Variants in PCDHA5 observed in about 807,000 individuals in gnomAD.
PCDHA5 encodes protocadherin alpha-5.
PCDHA5 carries 43 observed loss-of-function variants against 61.6 expected under a neutral mutation model. The observed-to-expected ratio is 0.70, with a 90% CI of 0.55 to 0.90. PCDHA5 has a LOEUF of 0.90. Ranked by LOEUF, PCDHA5 falls within the 40% of genes least tolerant of loss-of-function variation. The pLI is 0.00. For synonymous variants in PCDHA5, 627 were observed against 543.9 expected, an observed-to-expected ratio of 1.15 and a Z score of -2.13; for missense variants, 1,298 against 1,222.7, an observed-to-expected ratio of 1.06 and a Z score of -0.92.
At chr5:140,842,700 A>G in intron 1 of PCDHA5, 1 of 1,595,270 alleles carries the variant, frequency 6.3e-7, no homozygotes, top group Non-Finnish European at 8.6e-7. Flanking sequence ...CAGCCCGAGT[A>G]CACGGTGTTC....
At chr5:140,998,099 CAGA>C (rs2097796305) in intron 3 of PCDHA5, among the ~76,000 whole-genome samples, 1 of 152,130 alleles carries the variant, frequency 6.6e-6, no homozygotes, top group African/African-American at 2.4e-5. Context: ...CTAGAGCAAA[CAGA>C]GGAGAAAATT....
In PCDHA5 at chr5:140,824,127, C is replaced by G. The variant is rs370659144; in HGVS notation, c.2352C>G (p.Asn784Lys). ...CTCAGGGTCCCACCTCTACAGACAA[C>G]GTGAGTTTTCTAATATTAACATCCA... Reference protein sequence around the residue: ...SLPQGPTSTDNPRQPNPDWRY... With the variant: ...SLPQGPTSTDKPRQPNPDWRY... The change falls in exon 1 of 4, where the codon AAC becomes AAG. Residue 784 changes from asparagine to lysine, a missense_variant and splice_region_variant. Transcript: ENST00000529859. 1 of 1,613,450 alleles carries G rather than the reference C, an allele frequency of 6.2e-7. No individual in the cohort carries two copies. Among genetic ancestry groups the G allele is most frequent in the Non-Finnish European group, 8.5e-7 (1 of 1,179,498 alleles).
chr5:140,919,926 TG>T (rs1366281727), intron 1 of PCDHA5, among the ~76,000 whole-genome samples: 3 of 152,088 alleles, frequency 2.0e-5, no homozygotes, highest in African/African-American at 7.2e-5. Flanking sequence ...AATTTTCAGG[TG>T]GGGGCTAATT....
rs1777904033 is a variant in PCDHA5, at chr5:140,842,379, C to G, written c.2352+18252C>G. 1.9e-6 allele frequency: 3 copies of G among 1,609,878 alleles called. No individual in the cohort carries two copies. In the Admixed American group the frequency reaches 5.0e-5, roughly 27 times the overall value. On this transcript the variant is annotated intron_variant, in intron 1 of 3. Coordinates refer to ENST00000529859, the MANE Select transcript of PCDHA5 (RefSeq NM_018908.3). Reference sequence around the variant, plus strand: ...GATAACGTCCCTGAGATAGCACTGACTTCCTTATCCTTGCCTGTACGTGAA... The same window carrying G: ...GATAACGTCCCTGAGATAGCACTGAGTTCCTTATCCTTGCCTGTACGTGAA...
chr5:140,966,845 C>T, intron 1 of PCDHA5: 2 of 1,570,442 alleles, frequency 1.3e-6, no homozygotes, highest in South Asian at 2.3e-5. Context: ...GCTGCTACTG[C>T]CTCTCCTGCT....
rs890605582 is a variant in PCDHA5 at position 140,851,133 on chromosome 5, T to C, written c.2352+27006T>C. Reference sequence around the variant, plus strand: ...GAATCAATTTTATTTAAATTTGTGATTAAAGTGACATTGAATTTCTGATGC... The same window carrying C: ...GAATCAATTTTATTTAAATTTGTGACTAAAGTGACATTGAATTTCTGATGC... On this transcript the variant is annotated intron_variant, in intron 1 of 3. Transcript: ENST00000529859. 54 of 1,314,072 alleles carry C rather than the reference T, an allele frequency of 4.1e-5. 3 individuals carry two copies. Among genetic ancestry groups the C allele is most frequent in the Non-Finnish European group, 5.2e-5 (53 of 1,014,404 alleles). 81.4% of individuals were successfully genotyped at this position (1,314,072 alleles called of 1,614,324 possible). A position where few individuals can be genotyped will look rare whatever the true frequency, so the allele number is the denominator to read the frequency against.
chr5:140,875,356 G>C (rs2055432006), intron 1 of PCDHA5: 5 of 1,446,352 alleles, frequency 3.5e-6, no homozygotes, highest in Admixed American at 5.7e-5. Context: ...TGACTGTGAT[G>C]CTGGAAAAAA....
chr5:140,968,801 G>T, intron 1 of PCDHA5: 1 of 1,614,216 alleles, frequency 6.2e-7, no homozygotes, highest in Non-Finnish European at 8.5e-7. Context: ...CATTACAGTA[G>T]CTGTGGTGGA....
At chr5:140,965,951 T>C (rs1484541931) in intron 1 of PCDHA5, among the ~76,000 whole-genome samples, 3 of 152,172 alleles carry the variant, frequency 2.0e-5, no homozygotes, top group East Asian at 1.9e-4. Flanking sequence ...GCATTTGCCA[T>C]CCCCCTCCTT....
At chr5:140,887,108 T>A (rs2061306818) in intron 1 of PCDHA5, among the ~76,000 whole-genome samples, 1 of 152,084 alleles carries the variant, frequency 6.6e-6, no homozygotes, top group Non-Finnish European at 1.5e-5. Context: ...TCTCTTTTTT[T>A]TTTTTTGAGA....
chr5:140,885,290 A>G (rs1344746797), intron 1 of PCDHA5, among the ~76,000 whole-genome samples: 2 of 152,190 alleles, frequency 1.3e-5, no homozygotes, highest in African/African-American at 4.8e-5. Context: ...ATATATAGAG[A>G]GAGACCTGGT....
chr5:140,830,262 C>G lies in PCDHA5; in HGVS notation c.2352+6135C>G, dbSNP rs151257683. 6.1e-5 allele frequency: 99 copies of G among 1,613,546 alleles called. No individual in the cohort carries two copies. Among genetic ancestry groups the G allele is most frequent in the Non-Finnish European group, 7.2e-5 (85 of 1,179,698 alleles). ...CTGCTGTACACAGCGCTGCGGTGCT[C>G]GGCGCCACCCACCGAGGGCGCGTGC... On this transcript the variant is annotated intron_variant, in intron 1 of 3. Transcript: ENST00000529859.
In PCDHA5 at chr5:140,856,944, G is replaced by A; in HGVS notation, c.2352+32817G>A. Reference sequence around the variant, plus strand: ...AAATTTTGGATAAACGAAAGGACGGGAGAAATAAAAGTAAATGATGCTATT... The same window carrying A: ...AAATTTTGGATAAACGAAAGGACGGAAGAAATAAAAGTAAATGATGCTATT... On this transcript the variant is annotated intron_variant, in intron 1 of 3. Transcript: ENST00000529859. 1.9e-6 allele frequency: 3 copies of A among 1,593,674 alleles called. 1 individual carries two copies. The highest frequency in any genetic ancestry group is 2.6e-6 in the Non-Finnish European group (3 of 1,163,664).
chr5:140,892,246 G>T lies in PCDHA5; in HGVS notation c.2352+68119G>T, dbSNP rs895446433. Among the ~76,000 whole-genome samples the T allele has an allele frequency of 5.9e-5, 9 of 152,166 alleles. No individual in the cohort carries two copies. In the East Asian group the frequency reaches 1.7e-3, roughly 29 times the overall value. Reference sequence around the variant, plus strand: ...GGTGTTTTGTCTCCACATAAACCTGGTTATCTTTGATTTTGTGCTGAAAGT... The same window carrying T: ...GGTGTTTTGTCTCCACATAAACCTGTTTATCTTTGATTTTGTGCTGAAAGT... On this transcript the variant is annotated intron_variant, in intron 1 of 3. Coordinates refer to ENST00000529859, the MANE Select transcript of PCDHA5 (RefSeq NM_018908.3).
chr5:140,959,055 C>A (rs2095463398), intron 1 of PCDHA5, among the ~76,000 whole-genome samples: 1 of 151,914 alleles, frequency 6.6e-6, no homozygotes, highest in African/African-American at 2.4e-5. Flanking sequence ...GGAAAAAATG[C>A]AGTATATATA....
Position 140,822,968 on chromosome 5 carries a change from C to T in PCDHA5, c.1193C>T (p.Ser398Phe), listed in dbSNP as rs2150120818. 6.2e-7 allele frequency: 1 copy of T among 1,614,232 alleles called. No individual in the cohort carries two copies. The highest frequency in any genetic ancestry group is 2.2e-5 in the East Asian group (1 of 44,886). ...LMPHVPFKLV[S>F]TFKNYYSLVL... ...CCCCACGTTCCCTTCAAGCTGGTGTCCACCTTCAAGAATTACTACTCGTTG... is the reference window on the plus strand; with the variant it reads ...CCCCACGTTCCCTTCAAGCTGGTGTTCACCTTCAAGAATTACTACTCGTTG... The change falls in exon 1 of 4, where the codon TCC becomes TTC. Residue 398 changes from serine to phenylalanine, a missense_variant. Coordinates refer to ENST00000529859, the MANE Select transcript of PCDHA5 (RefSeq NM_018908.3).
At chr5:140,895,525 T>G (rs1172545825) in intron 1 of PCDHA5, among the ~76,000 whole-genome samples, 1 of 152,196 alleles carries the variant, frequency 6.6e-6, no homozygotes, top group Non-Finnish European at 1.5e-5. Context: ...GGTTTATTCG[T>G]TTTTCAATTG....
intron 3 of PCDHA5, among the ~76,000 whole-genome samples, chr5:140,996,335 T>G (rs887353118): frequency 1.3e-5 from 2 of 152,202 alleles, no homozygotes; most frequent in African/African-American, 4.8e-5. Flanking sequence ...AAGAAAAGTT[T>G]GAAAACCCAA....
chr5:140,906,798 C>T (rs1456677849), intron 1 of PCDHA5, among the ~76,000 whole-genome samples: 1 of 152,192 alleles, frequency 6.6e-6, no homozygotes, highest in Non-Finnish European at 1.5e-5. Context: ...TCCATGCATA[C>T]TCTTCCTTAC....
Sources: gnomAD v4.1 joint callset for allele counts (sites outside exome capture counted in the v4.1 genomes callset) on GRCh38, gnomAD v4.1.1 for gene constraint, MANE v1.5 for transcripts, NCBI Gene and HGNC (gene_info 2026-07-23, HGNC 2026-07-21) for gene names.